Variants in HDAC9 observed in about 807,000 individuals in gnomAD.
The protein encoded by HDAC9 is MEF-2 interacting transcription repressor (MITR) protein.
HDAC9 carries 41 observed loss-of-function variants against 139.4 expected under a neutral mutation model. The ratio of observed to expected loss-of-function variants is 0.29; its 90% CI spans 0.23 to 0.38. The LOEUF (loss-of-function observed/expected upper bound fraction) is 0.38. HDAC9 is among the 10% of genes least tolerant of loss of function. HDAC9 has a pLI of 1.00. For synonymous variants in HDAC9, 517 were observed against 476.2 expected (o/e 1.09, Z -1.12); for missense variants, 1,147 against 1,297.0 (o/e 0.88, Z 1.78).
intron 12 of HDAC9, among the ~76,000 whole-genome samples, chr7:18,704,994 A>G (rs1221175169): frequency 6.6e-6 from 1 of 152,224 alleles, no homozygotes; most frequent in Non-Finnish European, 1.5e-5. Flanking sequence ...TACGATTTTT[A>G]ACTTTCTAGT....
intron 2 of HDAC9, among the ~76,000 whole-genome samples, chr7:18,535,230 G>T (rs2128589844): frequency 6.6e-6 from 1 of 151,820 alleles, no homozygotes; most frequent in Non-Finnish European, 1.5e-5. Context: ...TCATTTTATG[G>T]CATTTCTGAA....
At chr7:18,283,346 A>G (rs1275108726) in intron 2 of HDAC9, among the ~76,000 whole-genome samples, 2 of 152,206 alleles carry the variant, frequency 1.3e-5, no homozygotes, top group African/African-American at 4.8e-5. Flanking sequence ...GTCCACCCCC[A>G]TAATCCAATC....
intron 2 of HDAC9, among the ~76,000 whole-genome samples, chr7:18,235,285 AG>A (rs1584772107): frequency 1.3e-5 from 2 of 152,200 alleles, no homozygotes; most frequent in East Asian, 3.8e-4. Flanking sequence ...AGTTTACCAG[AG>A]GTATATTGGA....
intron 1 of HDAC9, among the ~76,000 whole-genome samples, chr7:18,440,015 T>C (rs1791599591): frequency 6.6e-6 from 1 of 152,184 alleles, no homozygotes; most frequent in Non-Finnish European, 1.5e-5. Flanking sequence ...AAATTCATCA[T>C]TGTACCCACT....
At chr7:18,176,767 AT>A (rs1788940191) in intron 2 of HDAC9, among the ~76,000 whole-genome samples, 1 of 151,970 alleles carries the variant, frequency 6.6e-6, no homozygotes, top group Admixed American at 6.6e-5. Flanking sequence ...TTTTTATGTT[AT>A]TTTTTAATGC....
intron 25 of HDAC9, among the ~76,000 whole-genome samples, chr7:18,984,638 G>C (rs1469471312): frequency 6.6e-6 from 1 of 151,848 alleles, no homozygotes; most frequent in African/African-American, 2.4e-5. Flanking sequence ...TTGAGAAATA[G>C]TGAGTAGTTG....
At position 18,666,750 on chromosome 7, in the gene HDAC9, T is replaced by C. The variant is rs1794993445; in HGVS notation, c.1731+274T>C. ...TATACTAAAATTATGATACATAATA[T>C]CTGAGCAGTTAATAGGCTTTAAATT... On this transcript the variant is annotated intron_variant, in intron 12 of 25. Coordinates refer to ENST00000686413, the MANE Select transcript of HDAC9 (RefSeq NM_178425.4). 2.4e-6 allele frequency: 3 copies of C among 1,248,922 alleles called. No homozygotes were observed. In the Admixed American group the frequency reaches 1.2e-4, roughly 48 times the overall value. 77.4% of individuals were successfully genotyped at this position (1,248,922 alleles called of 1,614,324 possible).
chr7:18,568,393 G>C (rs541173612), intron 2 of HDAC9, among the ~76,000 whole-genome samples: 1 of 152,094 alleles, frequency 6.6e-6, no homozygotes, highest in Non-Finnish European at 1.5e-5. Flanking sequence ...CATTATTCTC[G>C]TCTGTGAAAT....
At chr7:18,871,884 G>A (rs1452171467) in intron 21 of HDAC9, among the ~76,000 whole-genome samples, 2 of 152,112 alleles carry the variant, frequency 1.3e-5, no homozygotes, top group African/African-American at 4.8e-5. Context: ...GTTTAATGCT[G>A]ACAATAGGAA....
chr7:18,533,250 C>T (rs1423041026), intron 2 of HDAC9, among the ~76,000 whole-genome samples: 4 of 152,220 alleles, frequency 2.6e-5, no homozygotes, highest in Admixed American at 6.5e-5. Context: ...CTATTTTCTC[C>T]GGGAGTTTCC....
intron 11 of HDAC9, among the ~76,000 whole-genome samples, chr7:18,665,264 T>C (rs959468507): frequency 4.6e-5 from 7 of 152,158 alleles, no homozygotes; most frequent in African/African-American, 1.7e-4. Flanking sequence ...GCAGAAAACT[T>C]AGCAACTCTT....
intron 2 of HDAC9, among the ~76,000 whole-genome samples, chr7:18,240,080 G>C (rs1298596496): frequency 2.0e-5 from 3 of 151,704 alleles, no homozygotes; most frequent in Admixed American, 6.6e-5. Context: ...TTTTAACTTG[G>C]AACTTGGTAA....
intron 23 of HDAC9, among the ~76,000 whole-genome samples, chr7:18,945,986 G>A (rs538881126): frequency 4.8e-5 from 6 of 124,602 alleles, no homozygotes; most frequent in Middle Eastern, 6.1e-3. Flanking sequence ...GCATTGAGCC[G>A]AGATAGCACC....
intron 5 of HDAC9, among the ~76,000 whole-genome samples, chr7:18,592,000 C>T (rs1464227248): frequency 6.6e-6 from 1 of 152,080 alleles, no homozygotes; most frequent in Non-Finnish European, 1.5e-5. Flanking sequence ...TGCATTTTTC[C>T]ATTCTCAACT....
At chr7:18,573,788 T>G (rs767515671) in intron 2 of HDAC9, among the ~76,000 whole-genome samples, 1 of 152,156 alleles carries the variant, frequency 6.6e-6, no homozygotes, top group African/African-American at 2.4e-5. Flanking sequence ...GAGGGGAACA[T>G]GGTGGCACCC....
intron 2 of HDAC9, among the ~76,000 whole-genome samples, chr7:18,254,606 C>A (rs1183914472): frequency 3.3e-5 from 5 of 152,098 alleles, no homozygotes; most frequent in Admixed American, 2.6e-4. Context: ...CTGAGGTAAC[C>A]TTTGCTGCTT....
At chr7:18,843,321 T>A (rs1044916647) in intron 21 of HDAC9, among the ~76,000 whole-genome samples, 10 of 152,066 alleles carry the variant, frequency 6.6e-5, no homozygotes, top group Non-Finnish European at 1.3e-4. Context: ...GGAAATGAAA[T>A]CTTTTTATGA....
Position 18,890,291 on chromosome 7 carries a change from G to C in HDAC9, c.2803+15695G>C, listed in dbSNP as rs542463260. On this transcript the variant is annotated intron_variant, in intron 22 of 25. Transcript: ENST00000686413. ...ATGACAGTTGAACAGTTCTAGATCT[G>C]TGTTTTGATAACAGCATATAACTAT... 3.3e-5 allele frequency among the ~76,000 whole-genome samples: 5 copies of C among 152,320 alleles called. No individual in the cohort carries two copies. The South Asian group carries it at 1.0e-3, about 32-fold the overall frequency.
rs1049337460 is a variant in HDAC9 at position 18,991,813 on chromosome 7, G to A, written c.3171-4210G>A. On this transcript the variant is annotated intron_variant, in intron 25 of 25. Transcript: ENST00000686413. ...TAAATGCAAATTTGAATAACAAGAA[G>A]GTATTGTTTTACATATATTAGATGG... Among the ~76,000 whole-genome samples the A allele has an allele frequency of 4.7e-4, 72 of 152,056 alleles. 1 individual carries two copies. Among genetic ancestry groups the A allele is most frequent in the Admixed American group, 4.3e-3 (65 of 15,272 alleles).
Sources: gnomAD v4.1 joint callset for allele counts (sites outside exome capture counted in the v4.1 genomes callset) on GRCh38, gnomAD v4.1.1 for gene constraint, MANE v1.5 for transcripts, NCBI Gene and HGNC (gene_info 2026-07-23, HGNC 2026-07-21) for gene names.